SLC14A2: variants seen among roughly 807,000 people sequenced by gnomAD.
SLC14A2 encodes solute carrier family 14 member 2.
Under a neutral mutation model 104.6 loss-of-function variants are expected in SLC14A2, and 91 were observed. The ratio of observed to expected loss-of-function variants is 0.87; its 90% CI spans 0.73 to 1.04. The LOEUF is 1.04. Among genes scored for constraint, SLC14A2 ranks in the 50% least tolerant of loss-of-function variants. SLC14A2 has a pLI of 0.00. For synonymous variants in SLC14A2, 476 were observed against 466.4 expected (o/e 1.02, Z -0.27); for missense variants, 1,189 against 1,156.0 (o/e 1.03, Z -0.41).
At chr18:45,293,181 C>A (rs1416396276) in intron 1 of SLC14A2, among the ~76,000 whole-genome samples, 3 of 152,018 alleles carry the variant, frequency 2.0e-5, no homozygotes, top group Non-Finnish European at 2.9e-5. Context: ...CATGGAGAAC[C>A]TTTTTTGACG....
At chr18:45,366,349 A>C (rs1325105237) in intron 1 of SLC14A2, among the ~76,000 whole-genome samples, 1 of 152,160 alleles carries the variant, frequency 6.6e-6, no homozygotes, top group East Asian at 1.9e-4. Flanking sequence ...TGAGATAAAC[A>C]GAGACTCTGA....
intron 1 of SLC14A2, among the ~76,000 whole-genome samples, chr18:45,463,577 C>G (rs2087084805): frequency 6.6e-6 from 1 of 152,186 alleles, no homozygotes; most frequent in South Asian, 2.1e-4. Flanking sequence ...GTGGTTGTAG[C>G]CAGGTTTGTA....
At chr18:45,373,618 G>T (rs74787075) in intron 1 of SLC14A2, among the ~76,000 whole-genome samples, 2,005 of 152,292 alleles carry the variant, frequency 0.013, 22 homozygotes, top group Non-Finnish European at 0.022. Context: ...AGATGCTCCT[G>T]TTTCTACATG....
At position 45,676,771 on chromosome 18, in the gene SLC14A2, TA is replaced by T. The variant is rs375780862; in HGVS notation, c.2513-2201del. On this transcript the variant is annotated intron_variant, in intron 18 of 19. Coordinates refer to ENST00000255226, the MANE Select transcript of SLC14A2 (RefSeq NM_007163.4). ...TCATTTAATCTTCCCTCCAGCCCCA[TA>T]AAGTGTGTGGATGATATTAATATCC... Among the ~76,000 whole-genome samples, 13 of 152,084 alleles carry T rather than the reference TA, an allele frequency of 8.5e-5. No homozygotes were observed. In the South Asian group the frequency reaches 2.7e-3, roughly 32 times the overall value.
At chr18:45,540,551 T>G (rs552810470) in intron 2 of SLC14A2, among the ~76,000 whole-genome samples, 107 of 152,190 alleles carry the variant, frequency 7.0e-4, no homozygotes, top group African/African-American at 2.5e-3. Flanking sequence ...AACACCGACC[T>G]GGCCAACATT....
At chr18:45,572,552 T>A (rs1210464014) in intron 2 of SLC14A2, among the ~76,000 whole-genome samples, 15 of 152,198 alleles carry the variant, frequency 9.9e-5, no homozygotes, top group Admixed American at 9.8e-4. Flanking sequence ...ACCCTGGCAT[T>A]CACCTGCCTG....
chr18:45,587,461 C>T (rs1291381782), intron 2 of SLC14A2, among the ~76,000 whole-genome samples: 2 of 152,164 alleles, frequency 1.3e-5, no homozygotes, highest in African/African-American at 4.8e-5. Flanking sequence ...CGATTATGTC[C>T]TCTTGTCTAT....
At position 45,627,129 on chromosome 18, in the gene SLC14A2, T is replaced by G; in HGVS notation, c.503T>G (p.Leu168Arg). The G allele has an allele frequency of 6.2e-7, 1 of 1,614,160 alleles. No individual in the cohort carries two copies. Among genetic ancestry groups the G allele is most frequent in the Non-Finnish European group, 8.5e-7 (1 of 1,180,004 alleles). Residue 168 changes from leucine to arginine, a missense_variant, in exon 4 of 20, where the codon CTC becomes CGC. Physicochemically the swap from Leu to Arg is moderately radical, Grantham distance 102. Transcript: ENST00000255226. ...LGTVVSTLTA[L>R]ALGQDRSAIA... The stretch of plus-strand genomic sequence containing the variant: ...ACAGTGGTCTCGACCTTAACAGCTC[T>G]CGCCTTGGGCCAAGACAGGTGGGTC...
At chr18:45,473,803 A>T (rs1475692572) in intron 1 of SLC14A2, among the ~76,000 whole-genome samples, 1 of 152,218 alleles carries the variant, frequency 6.6e-6, no homozygotes, top group Non-Finnish European at 1.5e-5. Flanking sequence ...TTTTCTAAAT[A>T]TACAATCATG....
chr18:45,561,252 G>A (rs1443166853), intron 2 of SLC14A2, among the ~76,000 whole-genome samples: 3 of 152,122 alleles, frequency 2.0e-5, no homozygotes, highest in Non-Finnish European at 4.4e-5. Flanking sequence ...CGTGCCTGTC[G>A]GGGAGCCAGC....
At chr18:45,212,269 T>C (rs1257033091), upstream of SLC14A2, among the ~76,000 whole-genome samples, 2 of 152,208 alleles carry the variant, frequency 1.3e-5, no homozygotes, top group Non-Finnish European at 2.9e-5. Flanking sequence ...CTGGAGTTAA[T>C]TTGCACATTG....
chr18:45,533,346 T>C (rs1326987007), intron 2 of SLC14A2, among the ~76,000 whole-genome samples: 1 of 152,212 alleles, frequency 6.6e-6, no homozygotes, highest in African/African-American at 2.4e-5. Flanking sequence ...TTTTGGTTGG[T>C]AAGCTATTAA....
rs781084151 is a variant in SLC14A2, at chr18:45,669,377, A to C, written c.2108A>C (p.Asn703Thr). 1.2e-6 allele frequency: 2 copies of C among 1,614,064 alleles called. No homozygotes were observed. Among genetic ancestry groups the C allele is most frequent in the South Asian group, 1.1e-5 (1 of 91,082 alleles). Reference protein sequence around the residue: ...WDLPVFTLPFNITVTLYLAAT... With the variant: ...WDLPVFTLPFTITVTLYLAAT... ...CTCCCAGTCTTCACACTGCCCTTCA[A>C]TATCACTGTGACTTTGTACCTGGCA... is the stretch of plus-strand genomic sequence containing the variant. Residue 703 changes from asparagine (N) to threonine (T), a missense_variant, in exon 16 of 20, where the codon AAT becomes ACT. Coordinates refer to ENST00000255226, the MANE Select transcript of SLC14A2 (RefSeq NM_007163.4).
rs149816835 is a variant in SLC14A2, at chr18:45,223,321, G to A, written c.-125+10130G>A. Among the ~76,000 whole-genome samples, 288 of 152,234 alleles carry A rather than the reference G, an allele frequency of 1.9e-3. 1 individual carries two copies. Among genetic ancestry groups the A allele is most frequent in the Middle Eastern group, 6.8e-3 (2 of 294 alleles). ...AGGCAAACAGCCCACCGTGGGTCATGCATTAAGCACCATGGAGAAAAGCAG... is the reference window on the plus strand; with the variant it reads ...AGGCAAACAGCCCACCGTGGGTCATACATTAAGCACCATGGAGAAAAGCAG... On this transcript the variant is annotated intron_variant, in intron 1 of 20. Transcript: ENST00000586448.
intron 1 of SLC14A2, among the ~76,000 whole-genome samples, chr18:45,456,749 G>A (rs1023645713): frequency 1.1e-5 from 1 of 93,388 alleles, no homozygotes; most frequent in African/African-American, 4.2e-5. Flanking sequence ...TTCCCCAGGA[G>A]ACTTTTTTTT....
In SLC14A2 at chr18:45,682,502, G is replaced by A. The variant is rs1471164370; in HGVS notation, c.2746G>A (p.Ala916Thr). The change falls in exon 20 of 20, where the codon GCC becomes ACC. Residue 916 changes from alanine to threonine, a missense_variant. Transcript: ENST00000255226. ...GGCATCAATCATAACAAAGTATCAG[G>A]CCTACGATGTCTCCTAAGTTTCCCT... ...RRASIITKYQ[A>T]YDVS The A allele has an allele frequency of 6.2e-7, 1 of 1,613,972 alleles. No homozygotes were observed. The highest frequency in any genetic ancestry group is 8.5e-7 in the Non-Finnish European group (1 of 1,179,866).
At chr18:45,616,115 T>A (rs984057795) in intron 1 of SLC14A2, among the ~76,000 whole-genome samples, 6 of 152,192 alleles carry the variant, frequency 3.9e-5, no homozygotes, top group South Asian at 2.1e-4. Flanking sequence ...TGGGCACAAG[T>A]GGAGCACCCC....
intron 2 of SLC14A2, among the ~76,000 whole-genome samples, chr18:45,546,359 A>G (rs1221696998): frequency 6.6e-6 from 1 of 152,262 alleles, no homozygotes; most frequent in Non-Finnish European, 1.5e-5. Flanking sequence ...TGAGACTCCT[A>G]AAGACAGAGC....
chr18:45,430,536 G>A (rs1350824374), intron 1 of SLC14A2, among the ~76,000 whole-genome samples: 2 of 150,586 alleles, frequency 1.3e-5, no homozygotes, highest in Non-Finnish European at 3.0e-5. Context: ...TTCTGTGGAA[G>A]GGAAGTTATT....
Sources: allele counts gnomAD v4.1 joint callset (sites outside exome capture counted in the v4.1 genomes callset), GRCh38; gene constraint gnomAD v4.1.1; transcripts MANE v1.5; gene names NCBI Gene and HGNC (gene_info 2026-07-23, HGNC 2026-07-21).